Variants in PLCB1 observed in about 807,000 individuals in gnomAD.
PLCB1 encodes the protein phospholipase C beta 1.
In PLCB1, 46 loss-of-function variants were observed where a neutral mutation model predicts 161.8. That is an observed-to-expected ratio of 0.28 (90% confidence interval 0.22 to 0.36). The LOEUF is 0.36. PLCB1 is among the 10% of genes least tolerant of loss of function. The probability of loss-of-function intolerance (pLI) is 1.00; values close to 1 mark genes in which losing one functional copy is unlikely to be tolerated. For synonymous variants in PLCB1, 517 were observed against 503.7 expected (o/e 1.03, Z -0.35); for missense variants, 1,016 against 1,472.5 (o/e 0.69, Z 5.07).
intron 12 of PLCB1, among the ~76,000 whole-genome samples, chr20:8,710,078 G>A (rs1252495366): frequency 6.6e-6 from 1 of 152,154 alleles, no homozygotes; most frequent in Non-Finnish European, 1.5e-5. Context: ...AGAAATGCCT[G>A]GGTAAGAGAC....
intron 2 of PLCB1, among the ~76,000 whole-genome samples, chr20:8,368,387 G>A (rs561960934): frequency 1.1e-3 from 171 of 151,866 alleles, no homozygotes; most frequent in Non-Finnish European, 2.3e-3. Flanking sequence ...AATTAGCAGA[G>A]CATTGTGGTG....
chr20:8,136,656 AAATAAGATGGACGTGAATTTTAT>A (rs1365477747), intron 1 of PLCB1, among the ~76,000 whole-genome samples: 5 of 152,142 alleles, frequency 3.3e-5, no homozygotes, highest in African/African-American at 4.8e-5. Context: ...TGTCCCTCAA[AAATAAGATGGACGTGAATTTTAT>A]CAAGGTGATT....
intron 2 of PLCB1, among the ~76,000 whole-genome samples, chr20:8,275,656 C>T (rs1349451481): frequency 6.6e-6 from 1 of 152,092 alleles, no homozygotes; most frequent in Non-Finnish European, 1.5e-5. Flanking sequence ...AACTGTTTTG[C>T]CCATGTTTAA....
In PLCB1 at chr20:8,314,452, T is replaced by C. The variant is rs534620857; in HGVS notation, c.178-56930T>C. 7.8e-4 allele frequency among the ~76,000 whole-genome samples: 119 copies of C among 152,302 alleles called. 1 individual carries two copies. Among genetic ancestry groups the C allele is most frequent in the African/African-American group, 2.7e-3 (112 of 41,570 alleles). On this transcript the variant is annotated intron_variant, in intron 2 of 31. Transcript: ENST00000338037. ...AAAAATCACTTAATAATAGGCAGTA[T>C]TATGCCCACAGAAGGGCTTTCAGCC...
intron 2 of PLCB1, among the ~76,000 whole-genome samples, chr20:8,197,628 T>C (rs2052039821): frequency 6.6e-6 from 1 of 152,226 alleles, no homozygotes; most frequent in Non-Finnish European, 1.5e-5. Flanking sequence ...ACTCTGATAG[T>C]AGTTTCTTTT....
At chr20:8,505,287 T>C (rs571669537) in intron 3 of PLCB1, among the ~76,000 whole-genome samples, 1 of 152,318 alleles carries the variant, frequency 6.6e-6, no homozygotes, top group South Asian at 2.1e-4. Flanking sequence ...CTTCAGTCTA[T>C]TGCCTCCTTT....
chr20:8,572,928 T>G (rs1986566397), intron 3 of PLCB1, among the ~76,000 whole-genome samples: 1 of 152,046 alleles, frequency 6.6e-6, no homozygotes, highest in Non-Finnish European at 1.5e-5. Flanking sequence ...TTGGGAATTA[T>G]TAGTATTTAT....
intron 3 of PLCB1, among the ~76,000 whole-genome samples, chr20:8,515,441 T>A (rs1377430254): frequency 6.6e-6 from 1 of 152,220 alleles, no homozygotes; most frequent in Non-Finnish European, 1.5e-5. Context: ...ACATAGATGC[T>A]GTGAGCGTGT....
chr20:8,655,892 TAGAG>T (rs986296517), intron 7 of PLCB1, among the ~76,000 whole-genome samples: 28 of 152,034 alleles, frequency 1.8e-4, no homozygotes, highest in Admixed American at 1.2e-3. Context: ...GGTGTCCACT[TAGAG>T]AGAGGGTGGT....
chr20:8,346,860 G>T (rs1192110294), intron 2 of PLCB1, among the ~76,000 whole-genome samples: 1 of 152,126 alleles, frequency 6.6e-6, no homozygotes, highest in Non-Finnish European at 1.5e-5. Context: ...TCTCCAGAAG[G>T]AAATCAAAGA....
At chr20:8,705,615 A>G (rs973943751) in intron 11 of PLCB1, among the ~76,000 whole-genome samples, 11 of 152,244 alleles carry the variant, frequency 7.2e-5, no homozygotes, top group Admixed American at 2.0e-4. Context: ...GGTGATGTTT[A>G]GGCACAGGTG....
In PLCB1 at chr20:8,379,217, CTG is replaced by C. The variant is rs895306032; in HGVS notation, c.246+7771_246+7772del. ...ACATGCAGTGTTTGATTTTCTGTTC[CTG>C]TGTTAGTTTGCTGAGGATAATGGCT... On this transcript the variant is annotated intron_variant, in intron 3 of 31. Coordinates refer to ENST00000338037, the MANE Select transcript of PLCB1 (RefSeq NM_015192.4). 6.3e-4 allele frequency among the ~76,000 whole-genome samples: 96 copies of C among 152,164 alleles called. 1 individual carries two copies. Among genetic ancestry groups the C allele is most frequent in the African/African-American group, 2.1e-3 (88 of 41,506 alleles).
intron 23 of PLCB1, among the ~76,000 whole-genome samples, chr20:8,744,666 A>AATAAAATAAAATAAAAT (rs1432172231): frequency 6.7e-6 from 1 of 150,030 alleles, no homozygotes; most frequent in African/African-American, 2.5e-5. Flanking sequence ...AAAAAAATAA[A>AATAAAATAAAATAAAAT]ATTGTTTGTA....
intron 2 of PLCB1, among the ~76,000 whole-genome samples, chr20:8,153,838 T>A (rs1216653334): frequency 2.6e-5 from 4 of 152,154 alleles, no homozygotes; most frequent in Non-Finnish European, 5.9e-5. Context: ...TGAAAAGGAA[T>A]GGGAGGAAGA....
intron 2 of PLCB1, among the ~76,000 whole-genome samples, chr20:8,345,261 C>T (rs1985960804): frequency 6.6e-6 from 1 of 152,034 alleles, no homozygotes; most frequent in Non-Finnish European, 1.5e-5. Flanking sequence ...GTTCCTTTTA[C>T]TGTTTATTCT....
chr20:8,393,581 A>G (rs893371763), intron 3 of PLCB1, among the ~76,000 whole-genome samples: 1 of 152,158 alleles, frequency 6.6e-6, no homozygotes, highest in Non-Finnish European at 1.5e-5. Context: ...TCTTGAGTCC[A>G]GAGTTCAAGG....
chr20:8,323,915 G>A (rs1460916571), intron 2 of PLCB1, among the ~76,000 whole-genome samples: 1 of 151,660 alleles, frequency 6.6e-6, no homozygotes, highest in East Asian at 1.9e-4. Context: ...ATATAGTGAT[G>A]CTTTTACTAA....
At chr20:8,632,034 G>GTTT (rs750797408) in intron 4 of PLCB1, among the ~76,000 whole-genome samples, 29 of 81,740 alleles carry the variant, frequency 3.5e-4, no homozygotes, top group East Asian at 1.3e-3. Context: ...GGTTTTTTTT[G>GTTT]CTTTTTTTTT....
chr20:8,693,276 C>A (rs1360169585), intron 10 of PLCB1, among the ~76,000 whole-genome samples: 1 of 152,118 alleles, frequency 6.6e-6, no homozygotes, highest in Non-Finnish European at 1.5e-5. Flanking sequence ...AAGTCATTTT[C>A]TTAAGAGTGG....
Sources: allele counts gnomAD v4.1 joint callset (sites outside exome capture counted in the v4.1 genomes callset), GRCh38; gene constraint gnomAD v4.1.1; transcripts MANE v1.5; gene names NCBI Gene and HGNC (gene_info 2026-07-23, HGNC 2026-07-21).